PCDHA9: variants seen among roughly 807,000 people sequenced by gnomAD.
PCDHA9 encodes protocadherin alpha-9.
In PCDHA9, 62 loss-of-function variants were observed where a neutral mutation model predicts 62.0. The observed-to-expected ratio is 1.00, with a 90% CI of 0.81 to 1.23. PCDHA9 has a LOEUF of 1.23. PCDHA9 is among the 50% of genes most tolerant of loss of function. The probability of loss-of-function intolerance (pLI) is 0.00; values close to 1 mark genes in which losing one functional copy is unlikely to be tolerated. For missense variants in PCDHA9, 1,205 were observed against 1,249.8 expected (o/e 0.96, Z 0.54); for synonymous variants, 557 against 567.6 (o/e 0.98, Z 0.27).
chr5:140,876,023 C>G, intron 1 of PCDHA9: 1 of 1,612,330 alleles, frequency 6.2e-7, no homozygotes, highest in Non-Finnish European at 8.5e-7. Flanking sequence ...AAAATAAAAA[C>G]AAAAAAAGAT....
chr5:140,870,709 G>T (rs782475792), intron 1 of PCDHA9: 1 of 1,613,052 alleles, frequency 6.2e-7, no homozygotes, highest in Non-Finnish European at 8.5e-7. Context: ...CCAGGTGAGC[G>T]CGCGCGATGC....
chr5:140,973,812 G>A (rs897592585), intron 1 of PCDHA9, among the ~76,000 whole-genome samples: 10 of 152,236 alleles, frequency 6.6e-5, no homozygotes, highest in Admixed American at 6.5e-4. Context: ...TGACAGAATA[G>A]CAAAGTCAGT....
At position 140,850,132 on chromosome 5, in the gene PCDHA9, G is replaced by T. The variant is rs2150469208; in HGVS notation, c.1637G>T (p.Gly546Val). The T allele has an allele frequency of 6.3e-7, 1 of 1,595,756 alleles. No individual in the cohort carries two copies. Among genetic ancestry groups the T allele is most frequent in the Non-Finnish European group, 8.6e-7 (1 of 1,167,824 alleles). ...CGCGACGCGGGCGTGCCGCCTCTGG[G>T]CAGCAACGTGACGCTGCAGGTGTTC... is the stretch of plus-strand genomic sequence containing the variant. ...SARDAGVPPLGSNVTLQVFVL... is the reference protein window; with the variant it reads ...SARDAGVPPLVSNVTLQVFVL... Residue 546 changes from glycine to valine, a missense_variant, in exon 1 of 4, where the codon GGC becomes GTC. By Grantham distance (109) the Gly-to-Val change is moderately radical. Transcript: ENST00000532602.
At chr5:140,938,209 G>C (rs1210350140) in intron 1 of PCDHA9, among the ~76,000 whole-genome samples, 1 of 152,160 alleles carries the variant, frequency 6.6e-6, no homozygotes, top group Admixed American at 6.5e-5. Flanking sequence ...GCCTCCCAAA[G>C]TGCTGGGATT....
At chr5:140,993,462 T>TCACACACACACACACACA (rs3836747) in intron 3 of PCDHA9, among the ~76,000 whole-genome samples, 2 of 140,938 alleles carry the variant, frequency 1.4e-5, no homozygotes, top group African/African-American at 5.3e-5. Flanking sequence ...TCTTTCTTTC[T>TCACACACACACACACACA]CACACACACA....
chr5:140,970,774 A>G (rs1554232727), intron 1 of PCDHA9, among the ~76,000 whole-genome samples: 2 of 152,218 alleles, frequency 1.3e-5, no homozygotes, highest in Admixed American at 1.3e-4. Context: ...TGCTGTACAT[A>G]CATATTGTAT....
intron 1 of PCDHA9, chr5:140,969,580 AT>A: frequency 2.2e-6 from 2 of 914,646 alleles, no homozygotes; most frequent in Non-Finnish European, 3.2e-6. Flanking sequence ...AGAAGTGAGG[AT>A]TAGTCTTAAT....
chr5:140,875,752 A>G lies in PCDHA9; in HGVS notation c.2394+24863A>G, dbSNP rs782489258. On this transcript the variant is annotated intron_variant, in intron 1 of 3. Transcript: ENST00000532602. ...TGTGAATTCTCGGATCGACCGCGAGAAGCTGTGCGGGCGGAGCGCGGAGTG... is the reference window on the plus strand; with the variant it reads ...TGTGAATTCTCGGATCGACCGCGAGGAGCTGTGCGGGCGGAGCGCGGAGTG... 53 of 1,614,084 alleles carry G rather than the reference A, an allele frequency of 3.3e-5. No homozygotes were observed. The highest frequency in any genetic ancestry group is 3.2e-4 in the African/African-American group (24 of 74,918).
At chr5:140,989,996 A>G (rs1554251207) in intron 3 of PCDHA9, among the ~76,000 whole-genome samples, 1 of 152,144 alleles carries the variant, frequency 6.6e-6, no homozygotes, top group Non-Finnish European at 1.5e-5. Context: ...GAAATTGTCT[A>G]TCTCCAAGGG....
intron 1 of PCDHA9, chr5:140,870,439 G>T (rs374343977): frequency 6.2e-7 from 1 of 1,614,244 alleles, no homozygotes; most frequent in African/African-American, 1.3e-5. Context: ...GGAGGTGGCC[G>T]ACGTGAACGA....
chr5:140,924,008 C>T lies in PCDHA9; in HGVS notation c.2395-54941C>T, dbSNP rs75028295. On this transcript the variant is annotated intron_variant, in intron 1 of 3. Coordinates refer to ENST00000532602, the MANE Select transcript of PCDHA9 (RefSeq NM_031857.2). ...TAGGTGCAGCTCAGAATTCCTAAAC[C>T]TGGTATAATTGGAGGCATGGCTGCA... 7.8e-3 allele frequency among the ~76,000 whole-genome samples: 1,191 copies of T among 152,262 alleles called. 21 individuals are homozygous for T. The highest frequency in any genetic ancestry group is 0.026 in the African/African-American group (1,098 of 41,552).
At chr5:140,864,927 G>T (rs2048656466) in intron 1 of PCDHA9, 1 of 152,138 alleles carries the variant, frequency 6.6e-6, no homozygotes, top group Non-Finnish European at 1.5e-5. Flanking sequence ...GCTTGGCAGG[G>T]TGTCTCAGGC....
At chr5:140,944,378 A>G (rs1204116678) in intron 1 of PCDHA9, among the ~76,000 whole-genome samples, 1 of 151,884 alleles carries the variant, frequency 6.6e-6, no homozygotes, top group Admixed American at 6.6e-5. Flanking sequence ...ATAGAGATGG[A>G]GTCTCACTGT....
chr5:140,856,479 C>T, intron 1 of PCDHA9: 1 of 1,598,354 alleles, frequency 6.3e-7, no homozygotes, highest in Non-Finnish European at 8.6e-7. Context: ...ATACCTGAAT[C>T]CAGACTGCTT....
At chr5:140,906,111 C>T (rs910809345) in intron 1 of PCDHA9, among the ~76,000 whole-genome samples, 1 of 152,100 alleles carries the variant, frequency 6.6e-6, no homozygotes, top group Admixed American at 6.5e-5. Flanking sequence ...TTTCCCAGTC[C>T]ACTGACACAA....
At chr5:140,866,644 T>A (rs531566613) in intron 1 of PCDHA9, 14 of 152,184 alleles carry the variant, frequency 9.2e-5, no homozygotes, top group Non-Finnish European at 1.6e-4. Context: ...GTGTCAAAAT[T>A]TATTTATGTG....
At chr5:140,957,549 C>G (rs563057107) in intron 1 of PCDHA9, among the ~76,000 whole-genome samples, 1 of 152,156 alleles carries the variant, frequency 6.6e-6, no homozygotes, top group South Asian at 2.1e-4. Context: ...AAAGTATTCT[C>G]TGTGGAAAAG....
chr5:140,957,346 G>C (rs1027225386), intron 1 of PCDHA9, among the ~76,000 whole-genome samples: 7 of 152,080 alleles, frequency 4.6e-5, no homozygotes, highest in Non-Finnish European at 8.8e-5. Flanking sequence ...TTTTGAGAGA[G>C]AGACCACATT....
intron 1 of PCDHA9, among the ~76,000 whole-genome samples, chr5:140,970,530 T>C (rs1554232541): frequency 6.6e-6 from 1 of 151,424 alleles, no homozygotes; most frequent in Non-Finnish European, 1.5e-5. Context: ...GATGAATATG[T>C]GTGTGTGTTT....
Sources: gnomAD v4.1 joint callset for allele counts (sites outside exome capture counted in the v4.1 genomes callset) on GRCh38, gnomAD v4.1.1 for gene constraint, MANE v1.5 for transcripts, NCBI Gene and HGNC (gene_info 2026-07-23, HGNC 2026-07-21) for gene names.